Variants in LRRC28 observed in about 807,000 individuals in gnomAD.
LRRC28 encodes leucine rich repeat containing 28, also known as leucine-rich repeat-containing protein 28.
A neutral mutation model predicts 45.7 loss-of-function variants in LRRC28; 39 were observed. That is an observed-to-expected ratio of 0.85 (90% CI 0.66 to 1.12). The LOEUF is 1.12. LRRC28 is among the 50% of genes most tolerant of loss of function. LRRC28 has a pLI of 0.00. For missense variants in LRRC28, 435 were observed against 438.5 expected (o/e 0.99, Z 0.07); for synonymous variants, 206 against 178.8 (o/e 1.15, Z -1.22).
At chr15:99,295,000 C>T (rs935949358) in intron 5 of LRRC28, among the ~76,000 whole-genome samples, 2 of 152,322 alleles carry the variant, frequency 1.3e-5, no homozygotes, top group African/African-American at 2.4e-5. Flanking sequence ...ACATGGGGCT[C>T]GCCTCTTGTG....
chr15:99,258,289 G>C, intron 2 of LRRC28: 1 of 1,547,210 alleles, frequency 6.5e-7, no homozygotes, highest in African/African-American at 1.4e-5. Flanking sequence ...AGTACATCTG[G>C]GAGTCTGAAT....
At chr15:99,319,652 CAG>C (rs1482775282) in intron 5 of LRRC28, among the ~76,000 whole-genome samples, 2 of 114,862 alleles carry the variant, frequency 1.7e-5, no homozygotes, top group South Asian at 2.5e-4. Flanking sequence ...AATGTCAAAA[CAG>C]TGTGGTTTTT....
intron 9 of LRRC28, among the ~76,000 whole-genome samples, chr15:99,368,569 G>T (rs1957400349): frequency 6.6e-6 from 1 of 152,096 alleles, no homozygotes; most frequent in African/African-American, 2.4e-5. Flanking sequence ...CTACCCTTGG[G>T]CTTTTTCTTC....
chr15:99,286,200 G>A (rs1403798045), intron 3 of LRRC28, among the ~76,000 whole-genome samples: 1 of 152,118 alleles, frequency 6.6e-6, no homozygotes, highest in African/African-American at 2.4e-5. Context: ...GCACAATCGC[G>A]GCTCACTGCA....
At chr15:99,379,915 G>T (rs960025779) in intron 9 of LRRC28, among the ~76,000 whole-genome samples, 9 of 152,120 alleles carry the variant, frequency 5.9e-5, no homozygotes, top group Non-Finnish European at 1.3e-4. Flanking sequence ...ACAGTTTGTT[G>T]TAATTTCTGT....
chr15:99,271,811 C>T (rs1270153848), intron 2 of LRRC28, among the ~76,000 whole-genome samples: 1 of 152,144 alleles, frequency 6.6e-6, no homozygotes, highest in Non-Finnish European at 1.5e-5. Flanking sequence ...GTTGGTCGGG[C>T]TGGTCTCGAA....
In LRRC28 at chr15:99,333,941, A is replaced by C; in HGVS notation, c.404A>C (p.Glu135Ala). 6.2e-7 allele frequency: 1 copy of C among 1,614,082 alleles called. No homozygotes were observed. Among genetic ancestry groups the C allele is most frequent in the African/African-American group, 1.3e-5 (1 of 75,048 alleles). ...GTTGTAGAGGTTGGCGATTTGAAGGAGCTGCAGACACTAGACATTTCTACC... is the reference window on the plus strand; with the variant it reads ...GTTGTAGAGGTTGGCGATTTGAAGGCGCTGCAGACACTAGACATTTCTACC... ...FLPPEVGDLKELQTLDISTNR... is the reference protein window; with the variant it reads ...FLPPEVGDLKALQTLDISTNR... The change falls in exon 6 of 10, where the codon GAG (glutamate) becomes GCG (alanine). Residue 135 changes from glutamate to alanine, a missense_variant. Transcript: ENST00000301981.
intron 5 of LRRC28, among the ~76,000 whole-genome samples, chr15:99,327,168 G>A (rs182603249): frequency 5.3e-5 from 8 of 152,084 alleles, no homozygotes; most frequent in Admixed American, 3.3e-4. Context: ...TCCACCCCCC[G>A]GGTTGAAGCA....
At chr15:99,314,464 A>AATAG (rs1432197505) in intron 5 of LRRC28, among the ~76,000 whole-genome samples, 1 of 151,910 alleles carries the variant, frequency 6.6e-6, no homozygotes, top group African/African-American at 2.4e-5. Flanking sequence ...TAAATAAATA[A>AATAG]ATAAATAATT....
In LRRC28 at chr15:99,387,228, T is replaced by G. The variant is rs933909326; in HGVS notation, c.*1126T>G. The G allele has an allele frequency of 2.0e-5, 3 of 148,142 alleles. No homozygotes were observed. The highest frequency in any genetic ancestry group is 4.5e-4 in the South Asian group (2 of 4,458). 9.2% of individuals were successfully genotyped at this position (148,142 alleles called of 1,614,324 possible). ...GGCGCCCGCCACCACGCCCGGCTAA[T>G]TTTTTGTATTTTTAGTAGAGACGGG... On this transcript the variant is annotated 3_prime_UTR_variant, in exon 10 of 10. Transcript: ENST00000301981.
chr15:99,266,054 C>G (rs574599732), intron 2 of LRRC28, among the ~76,000 whole-genome samples: 1 of 152,048 alleles, frequency 6.6e-6, no homozygotes, highest in African/African-American at 2.4e-5. Context: ...TATAGCTAAG[C>G]AACAGGAGCA....
At chr15:99,378,398 A>G (rs975762249) in intron 9 of LRRC28, among the ~76,000 whole-genome samples, 1 of 152,212 alleles carries the variant, frequency 6.6e-6, no homozygotes, top group Non-Finnish European at 1.5e-5. Flanking sequence ...TTGTATCCTG[A>G]GACTTTGCTG....
In LRRC28 at chr15:99,344,327, C is replaced by T. The variant is rs548432603; in HGVS notation, c.593-8042C>T. 2.0e-5 allele frequency among the ~76,000 whole-genome samples: 3 copies of T among 152,078 alleles called. No homozygotes were observed. In the South Asian group the frequency reaches 6.2e-4, roughly 32 times the overall value. On this transcript the variant is annotated intron_variant, in intron 6 of 9. Transcript: ENST00000301981. ...AGGAAGCAGTTAGTAAGTGAGGAAGCAGGATTCAGACTCAGTTCTGACTCC... is the reference window on the plus strand; with the variant it reads ...AGGAAGCAGTTAGTAAGTGAGGAAGTAGGATTCAGACTCAGTTCTGACTCC...
chr15:99,328,404 C>T (rs886933260), intron 5 of LRRC28, among the ~76,000 whole-genome samples: 1 of 152,094 alleles, frequency 6.6e-6, no homozygotes, highest in African/African-American at 2.4e-5. Flanking sequence ...AGTTTTAGTA[C>T]ATTTTGGTTT....
intron 1 of LRRC28, among the ~76,000 whole-genome samples, chr15:99,252,474 A>G (rs2080857709): frequency 6.6e-6 from 1 of 152,192 alleles, no homozygotes; most frequent in Non-Finnish European, 1.5e-5. Flanking sequence ...GGACTGTCTT[A>G]TTGAATCTTC....
At chr15:99,277,765 C>T (rs1188313109) in intron 3 of LRRC28, among the ~76,000 whole-genome samples, 1 of 151,774 alleles carries the variant, frequency 6.6e-6, no homozygotes, top group Non-Finnish European at 1.5e-5. Flanking sequence ...GAGTTATGCA[C>T]ATCATGGCTT....
At chr15:99,295,265 C>T (rs576047143) in intron 5 of LRRC28, among the ~76,000 whole-genome samples, 6 of 152,270 alleles carry the variant, frequency 3.9e-5, no homozygotes, top group African/African-American at 1.4e-4. Context: ...ACCACTTAAA[C>T]ATTTACGTAT....
chr15:99,298,052 A>G (rs561574091), intron 5 of LRRC28, among the ~76,000 whole-genome samples: 1 of 149,562 alleles, frequency 6.7e-6, no homozygotes, highest in South Asian at 2.1e-4. Flanking sequence ...AATACTTTTA[A>G]AAAAAAAAAG....
At position 99,386,894 on chromosome 15, in the gene LRRC28, A is replaced by AT. The variant is rs923644719; in HGVS notation, c.*799dup. On this transcript the variant is annotated 3_prime_UTR_variant, in exon 10 of 10. Coordinates refer to ENST00000301981, the MANE Select transcript of LRRC28 (RefSeq NM_144598.5). Reference sequence around the variant, plus strand: ...AATATTTGAAGCTTTACAAGATCTGATTTTTTTCTTTCTCAATATAAAGTT... The same window carrying AT: ...AATATTTGAAGCTTTACAAGATCTGATTTTTTTTCTTTCTCAATATAAAGTT... The AT allele has an allele frequency of 2.6e-5, 4 of 152,018 alleles. No individual in the cohort carries two copies. Among genetic ancestry groups the AT allele is most frequent in the South Asian group, 2.1e-4 (1 of 4,822 alleles). 9.4% of individuals were successfully genotyped at this position (152,018 alleles called of 1,614,324 possible). A position where few individuals can be genotyped will look rare whatever the true frequency, so the allele number is the denominator to read the frequency against.
Sources: gnomAD v4.1 joint callset for allele counts (sites outside exome capture counted in the v4.1 genomes callset) on GRCh38, gnomAD v4.1.1 for gene constraint, MANE v1.5 for transcripts, NCBI Gene and HGNC (gene_info 2026-07-23, HGNC 2026-07-21) for gene names.